The following KCNIP4 variants were observed in gnomAD, a reference collection of about 807,000 sequenced individuals.
KCNIP4 encodes the protein potassium voltage-gated channel interacting protein 4.
Under a neutral mutation model 34.0 loss-of-function variants are expected in KCNIP4, and 12 were observed. The observed-to-expected ratio is 0.35, with a 90% CI of 0.23 to 0.57. The LOEUF is 0.57. KCNIP4 is among the 20% of genes least tolerant of loss of function. KCNIP4 has a pLI of 0.83. For missense variants in KCNIP4, 238 were observed against 311.7 expected, an observed-to-expected ratio of 0.76 and a Z score of 1.78; for synonymous variants, 124 against 102.2, an observed-to-expected ratio of 1.21 and a Z score of -1.29.
intron 1 of KCNIP4, among the ~76,000 whole-genome samples, chr4:21,089,082 C>T (rs1415009004): frequency 6.6e-6 from 1 of 152,160 alleles, no homozygotes; most frequent in Non-Finnish European, 1.5e-5. Context: ...ATGGCCCCTC[C>T]TAAAATTTTA....
At chr4:21,082,656 A>G (rs1355392770) in intron 1 of KCNIP4, among the ~76,000 whole-genome samples, 6 of 151,780 alleles carry the variant, frequency 4.0e-5, no homozygotes, top group Non-Finnish European at 5.9e-5. Flanking sequence ...AAAACTTGTT[A>G]CCTAAGGGCA....
At chr4:21,617,143 T>A (rs1262393631) in intron 1 of KCNIP4, among the ~76,000 whole-genome samples, 5 of 152,210 alleles carry the variant, frequency 3.3e-5, no homozygotes, top group Non-Finnish European at 2.9e-5. Flanking sequence ...AAACTGTCAT[T>A]TGATAACAAA....
At chr4:21,370,800 A>AATATAAATAT (rs1720277415) in intron 1 of KCNIP4, among the ~76,000 whole-genome samples, 1 of 17,986 alleles carries the variant, frequency 5.6e-5, no homozygotes. Flanking sequence ...CATGGATTGA[A>AATATAAATAT]ATATATATAT....
chr4:20,932,751 G>T (rs1730612576), intron 1 of KCNIP4, among the ~76,000 whole-genome samples: 1 of 151,944 alleles, frequency 6.6e-6, no homozygotes, highest in African/African-American at 2.4e-5. Context: ...AGTTTTTAAA[G>T]ATTTTAACAT....
intron 1 of KCNIP4, among the ~76,000 whole-genome samples, chr4:21,633,488 C>A (rs1745905348): frequency 6.6e-6 from 1 of 151,840 alleles, no homozygotes; most frequent in Non-Finnish European, 1.5e-5. Context: ...TCTTCTAAGG[C>A]AAATGTGAAA....
intron 1 of KCNIP4, among the ~76,000 whole-genome samples, chr4:21,083,979 A>G (rs1284586420): frequency 6.6e-6 from 1 of 151,890 alleles, no homozygotes; most frequent in Non-Finnish European, 1.5e-5. Context: ...AGGGTCCTGC[A>G]GTCTTTTTCC....
intron 1 of KCNIP4, among the ~76,000 whole-genome samples, chr4:21,822,048 C>T (rs1722384650): frequency 6.6e-6 from 1 of 152,108 alleles, no homozygotes; most frequent in Non-Finnish European, 1.5e-5. Context: ...TATTTAGCTT[C>T]CATTCTACAA....
At chr4:21,900,107 A>C (rs952173733) in intron 1 of KCNIP4, among the ~76,000 whole-genome samples, 3 of 152,172 alleles carry the variant, frequency 2.0e-5, no homozygotes, top group African/African-American at 2.4e-5. Context: ...TGCATTTCTA[A>C]TAGCAATAGT....
chr4:21,356,225 G>A (rs571414761), intron 1 of KCNIP4, among the ~76,000 whole-genome samples: 49 of 152,182 alleles, frequency 3.2e-4, no homozygotes, highest in African/African-American at 1.1e-3. Flanking sequence ...TACTGAATGG[G>A]CAAAAACTGG....
intron 1 of KCNIP4, among the ~76,000 whole-genome samples, chr4:21,006,753 C>A (rs1390368010): frequency 1.3e-5 from 2 of 152,042 alleles, no homozygotes; most frequent in Non-Finnish European, 2.9e-5. Context: ...CATGCCGTGC[C>A]TGGGAGATGT....
At chr4:20,781,432 C>T (rs538051929) in intron 3 of KCNIP4, among the ~76,000 whole-genome samples, 9 of 152,164 alleles carry the variant, frequency 5.9e-5, no homozygotes, top group East Asian at 5.8e-4. Flanking sequence ...TCCATTTTCC[C>T]GCTGCTGATA....
chr4:21,635,839 C>G (rs926606603), intron 1 of KCNIP4, among the ~76,000 whole-genome samples: 4 of 151,450 alleles, frequency 2.6e-5, no homozygotes, highest in African/African-American at 9.7e-5. Flanking sequence ...CACATGCACA[C>G]GTATGTTTAT....
At chr4:21,153,761 GC>G (rs1431449440) in intron 1 of KCNIP4, among the ~76,000 whole-genome samples, 1 of 152,014 alleles carries the variant, frequency 6.6e-6, no homozygotes, top group African/African-American at 2.4e-5. Flanking sequence ...CCTCTTGGGA[GC>G]TAAAAGTACA....
intron 1 of KCNIP4, among the ~76,000 whole-genome samples, chr4:21,385,523 T>C (rs1721949978): frequency 2.0e-5 from 3 of 152,204 alleles, no homozygotes; most frequent in Non-Finnish European, 4.4e-5. Flanking sequence ...CAATTGACTT[T>C]TCTTCTTTAA....
intron 2 of KCNIP4, among the ~76,000 whole-genome samples, chr4:20,868,737 A>G (rs1455356778): frequency 1.3e-5 from 2 of 152,144 alleles, no homozygotes; most frequent in Non-Finnish European, 2.9e-5. Flanking sequence ...TTAACATAGG[A>G]ATAGAAAAAC....
At chr4:21,702,446 G>A (rs547712219) in intron 1 of KCNIP4, among the ~76,000 whole-genome samples, 6 of 152,100 alleles carry the variant, frequency 3.9e-5, no homozygotes, top group South Asian at 2.1e-4. Flanking sequence ...TATTCATTCC[G>A]TAAGAGAAGA....
At chr4:21,111,290 C>G (rs377673434) in intron 1 of KCNIP4, among the ~76,000 whole-genome samples, 1 of 136,146 alleles carries the variant, frequency 7.3e-6, no homozygotes, top group African/African-American at 3.1e-5. Flanking sequence ...CAGGCTCTGA[C>G]GCGACAAAAG....
chr4:21,575,501 T>A (rs1391974869), intron 1 of KCNIP4, among the ~76,000 whole-genome samples: 1 of 34,168 alleles, frequency 2.9e-5, no homozygotes. Context: ...CTTCTCCTTA[T>A]CTTTTCCTTC....
At chr4:20,884,994 C>T (rs1331557726) in intron 1 of KCNIP4, among the ~76,000 whole-genome samples, 1 of 152,138 alleles carries the variant, frequency 6.6e-6, no homozygotes, top group Non-Finnish European at 1.5e-5. Context: ...AGCTACTGCG[C>T]CCAGCCCCAT....
Sources: allele counts gnomAD v4.1 joint callset (sites outside exome capture counted in the v4.1 genomes callset), GRCh38; gene constraint gnomAD v4.1.1; transcripts MANE v1.5; gene names NCBI Gene and HGNC (gene_info 2026-07-23, HGNC 2026-07-21).